Variants in MAN1A2 observed in about 807,000 individuals in gnomAD.
MAN1A2 encodes mannosyl-oligosaccharide 1,2-alpha-mannosidase IB.
MAN1A2 carries 26 observed loss-of-function variants against 75.7 expected under a neutral mutation model. That is an observed-to-expected ratio of 0.34 (90% CI 0.25 to 0.48). MAN1A2 has a LOEUF of 0.48. Ranked by LOEUF, MAN1A2 falls within the 20% of genes least tolerant of loss-of-function variation. MAN1A2 has a pLI of 0.99. For synonymous variants in MAN1A2, 247 were observed against 264.6 expected, an observed-to-expected ratio of 0.93 and a Z score of 0.65; for missense variants, 562 against 775.5, an observed-to-expected ratio of 0.72 and a Z score of 3.27.
chr1:117,412,991 CAGT>C (rs1223589908), intron 3 of MAN1A2, among the ~76,000 whole-genome samples: 3 of 151,804 alleles, frequency 2.0e-5, no homozygotes, highest in Admixed American at 1.3e-4. Flanking sequence ...AGGACACAAA[CAGT>C]AGTCTCAAGG....
intron 12 of MAN1A2, chr1:117,516,021 CCTCCT>C (rs1383814347): frequency 3.3e-5 from 5 of 152,038 alleles, no homozygotes; most frequent in Non-Finnish European, 5.9e-5. Context: ...TTAACTCCAA[CCTCCT>C]CTCCTCTAAC....
In MAN1A2 at chr1:117,458,125, T is replaced by A. The variant is rs555501701; in HGVS notation, c.951-2364T>A. Among the ~76,000 whole-genome samples, 3 of 152,320 alleles carry A rather than the reference T, an allele frequency of 2.0e-5. No homozygotes were observed. In the South Asian group the frequency reaches 6.2e-4, roughly 32 times the overall value. ...TACTCAACATTCTATTTTTCCTTTT[T>A]AATTTTCTTCACAGCAACTATCACT... On this transcript the variant is annotated intron_variant, in intron 6 of 12. Transcript: ENST00000356554.
At chr1:117,381,351 A>G (rs1262197161) in intron 1 of MAN1A2, among the ~76,000 whole-genome samples, 1 of 151,858 alleles carries the variant, frequency 6.6e-6, no homozygotes, top group Non-Finnish European at 1.5e-5. Context: ...CAACCCCACA[A>G]CAGTCCCCAG....
chr1:117,454,915 G>A (rs1014256152), intron 6 of MAN1A2, among the ~76,000 whole-genome samples: 2 of 151,850 alleles, frequency 1.3e-5, no homozygotes, highest in Non-Finnish European at 2.9e-5. Flanking sequence ...AATGCCTAGA[G>A]CAGTCATAAA....
chr1:117,506,300 GCA>G (rs1200934428), intron 12 of MAN1A2, among the ~76,000 whole-genome samples: 1 of 151,476 alleles, frequency 6.6e-6, no homozygotes, highest in Non-Finnish European at 1.5e-5. Flanking sequence ...GATTGTCACG[GCA>G]GTGGCAAAGT....
At position 117,524,734 on chromosome 1, in the gene MAN1A2, T is replaced by A. The variant is rs917979284; in HGVS notation, c.*1777T>A. Reference sequence around the variant, plus strand: ...TATAAAATTTTTCACTGCAAAAAAATTTCAGTAGAAAATAAGGATGCAGGG... The same window carrying A: ...TATAAAATTTTTCACTGCAAAAAAAATTCAGTAGAAAATAAGGATGCAGGG... On this transcript the variant is annotated 3_prime_UTR_variant, in exon 13 of 13. Coordinates refer to ENST00000356554, the MANE Select transcript of MAN1A2 (RefSeq NM_006699.5). 1.3e-5 allele frequency: 2 copies of A among 154,320 alleles called. No homozygotes were observed. The highest frequency in any genetic ancestry group is 2.9e-5 in the Non-Finnish European group (2 of 69,284). The allele number at this position is 154,320 out of a possible 1,614,324, so 9.6% of individuals were successfully genotyped here.
intron 8 of MAN1A2, among the ~76,000 whole-genome samples, chr1:117,475,502 T>A (rs1650287007): frequency 6.6e-6 from 1 of 152,030 alleles, no homozygotes; most frequent in East Asian, 1.9e-4. Flanking sequence ...CTCCTAATGG[T>A]ATTCCTCCCC....
chr1:117,497,293 C>A (rs930872112), intron 10 of MAN1A2, among the ~76,000 whole-genome samples: 1 of 151,914 alleles, frequency 6.6e-6, no homozygotes, highest in African/African-American at 2.4e-5. Flanking sequence ...GCCATTTCAG[C>A]TTCTATAAAA....
intron 1 of MAN1A2, among the ~76,000 whole-genome samples, chr1:117,389,638 G>A (rs921384141): frequency 2.0e-5 from 3 of 151,910 alleles, no homozygotes; most frequent in African/African-American, 7.3e-5. Context: ...GTGATTTTTA[G>A]TATTTTTTTC....
intron 5 of MAN1A2, among the ~76,000 whole-genome samples, chr1:117,430,297 G>T (rs1422199030): frequency 2.2e-5 from 3 of 134,196 alleles, no homozygotes; most frequent in Non-Finnish European, 4.9e-5. Context: ...GCGGCTGGTC[G>T]GGCGGGGGGC....
intron 1 of MAN1A2, among the ~76,000 whole-genome samples, chr1:117,393,535 T>C (rs1287670892): frequency 6.6e-6 from 1 of 152,164 alleles, no homozygotes. Context: ...TTTTGAATAT[T>C]ATTAAAATAT....
At chr1:117,369,637 GTTAC>G (rs1431681406) in intron 1 of MAN1A2, among the ~76,000 whole-genome samples, 1 of 152,070 alleles carries the variant, frequency 6.6e-6, no homozygotes, top group African/African-American at 2.4e-5. Context: ...TTATGGAGTA[GTTAC>G]TTCTAATATT....
Position 117,523,131 on chromosome 1 carries a change from A to G in MAN1A2, c.*174A>G. 2.7e-6 allele frequency: 2 copies of G among 739,508 alleles called. No individual in the cohort carries two copies. Among genetic ancestry groups the G allele is most frequent in the Non-Finnish European group, 4.8e-6 (2 of 416,360 alleles). 45.8% of individuals were successfully genotyped at this position (739,508 alleles called of 1,614,324 possible). Reference sequence around the variant, plus strand: ...GATACATCAACTTTGAAATTATTCCATTTTATACCTGACCAAAACATGTTC... The same window carrying G: ...GATACATCAACTTTGAAATTATTCCGTTTTATACCTGACCAAAACATGTTC... On this transcript the variant is annotated 3_prime_UTR_variant, in exon 13 of 13. Transcript: ENST00000356554.
intron 7 of MAN1A2, among the ~76,000 whole-genome samples, chr1:117,462,965 G>C (rs1045219261): frequency 1.3e-5 from 2 of 152,054 alleles, no homozygotes; most frequent in Non-Finnish European, 2.9e-5. Flanking sequence ...ATTGAGATGT[G>C]AGTAGAGTCG....
chr1:117,447,543 AGGAT>A (rs941554528), intron 6 of MAN1A2, among the ~76,000 whole-genome samples: 123 of 152,270 alleles, frequency 8.1e-4, no homozygotes, highest in African/African-American at 2.7e-3. Context: ...TCTTCTAGAG[AGGAT>A]ATGCCAGTTG....
Position 117,368,345 on chromosome 1 carries a change from C to A in MAN1A2, c.162C>A (p.Phe54Leu). ...SAFITLCFGA[F>L]FFLPDSSKHK... ...TCATCACTCTGTGTTTTGGGGCATT[C>A]TTTTTCCTTCCAGACTCTTCAAAAC... Residue 54 changes from phenylalanine to leucine, a missense_variant, in exon 1 of 13, where the codon TTC becomes TTA. This residue lies in a region of MAN1A2 where 128 missense variants were observed against 129.8 expected (regional missense o/e 0.99). Transcript: ENST00000356554. 1.9e-6 allele frequency: 3 copies of A among 1,614,070 alleles called. No individual in the cohort carries two copies. Among genetic ancestry groups the A allele is most frequent in the Non-Finnish European group, 2.5e-6 (3 of 1,180,012 alleles).
chr1:117,455,418 C>G (rs1004014388), intron 6 of MAN1A2, among the ~76,000 whole-genome samples: 1 of 151,974 alleles, frequency 6.6e-6, no homozygotes, highest in East Asian at 1.9e-4. Flanking sequence ...GTTTGTATAC[C>G]AGTCTTTGTT....
Position 117,499,441 on chromosome 1 carries a change from C to T in MAN1A2, c.1564C>T (p.Arg522Trp), listed in dbSNP as rs1651133731. Reference sequence around the variant, plus strand: ...TGGTGCAGTGGAGGCTGTGGCTGTCCGGCAGGCTGAAAAGTATTATATCCT... The same window carrying T: ...TGGTGCAGTGGAGGCTGTGGCTGTCTGGCAGGCTGAAAAGTATTATATCCT... Reference protein sequence around the residue: ...FDGAVEAVAVRQAEKYYILRP... With the variant: ...FDGAVEAVAVWQAEKYYILRP... The change falls in exon 11 of 13, where the codon CGG becomes TGG. Residue 522 changes from arginine (R) to tryptophan (W), a missense_variant. By Grantham distance (101) the Arg-to-Trp change is moderately radical. This residue lies in a region of MAN1A2 where 434 missense variants were observed against 645.7 expected (regional missense o/e 0.67). Transcript: ENST00000356554. The T allele has an allele frequency of 1.9e-6, 3 of 1,604,748 alleles. No homozygotes were observed. The highest frequency in any genetic ancestry group is 1.7e-6 in the Non-Finnish European group (2 of 1,175,730).
intron 1 of MAN1A2, among the ~76,000 whole-genome samples, chr1:117,377,242 A>G (rs1426312003): frequency 3.9e-5 from 6 of 152,176 alleles, no homozygotes; most frequent in Non-Finnish European, 7.4e-5. Flanking sequence ...ATTATTTTCT[A>G]TTAATTTGTG....
Sources: gnomAD v4.1 joint callset for allele counts (sites outside exome capture counted in the v4.1 genomes callset) on GRCh38, gnomAD v4.1.1 for gene constraint, gnomAD v4.1.1 regional missense constraint, MANE v1.5 for transcripts, NCBI Gene and HGNC (gene_info 2026-07-23, HGNC 2026-07-21) for gene names.